SAMD15: variants seen among roughly 807,000 people sequenced by gnomAD.
SAMD15 encodes the protein sterile alpha motif domain containing 15, also known as sterile alpha motif domain-containing protein 15.
In SAMD15, 37 loss-of-function variants were observed where a neutral mutation model predicts 50.5. That is an observed-to-expected ratio of 0.73 (90% CI 0.56 to 0.96). The LOEUF is 0.96. SAMD15 is among the 40% of genes least tolerant of loss of function. The pLI, the probability that SAMD15 is intolerant of heterozygous loss-of-function variation, is 0.00. For synonymous variants in SAMD15, 255 were observed against 282.8 expected (o/e 0.90, Z 0.99); for missense variants, 789 against 783.8 (o/e 1.01, Z -0.08).
intron 2 of SAMD15, among the ~76,000 whole-genome samples, chr14:77,389,109 AAAC>A (rs1174564378): frequency 6.6e-6 from 1 of 152,008 alleles, no homozygotes; most frequent in Admixed American, 6.6e-5. Flanking sequence ...ACAAAACAAA[AAAC>A]AAAAACAAAC....
In SAMD15 at chr14:77,388,544, T is replaced by C. The variant is rs186479414; in HGVS notation, c.1789-2464T>C. On this transcript the variant is annotated intron_variant, in intron 2 of 2. Transcript: ENST00000216471. ...GATCCTCCTACTTCAGCCTCCCAAGTAGCTGGGACTACAGGCATGCAACTT... is the reference window on the plus strand; with the variant it reads ...GATCCTCCTACTTCAGCCTCCCAAGCAGCTGGGACTACAGGCATGCAACTT... Among the ~76,000 whole-genome samples the C allele has an allele frequency of 3.9e-3, 594 of 151,540 alleles. 2 individuals carry two copies. Among genetic ancestry groups the C allele is most frequent in the African/African-American group, 0.014 (569 of 41,338 alleles).
intron 2 of SAMD15, among the ~76,000 whole-genome samples, chr14:77,389,242 A>G (rs1022090551): frequency 6.6e-6 from 1 of 152,174 alleles, no homozygotes; most frequent in African/African-American, 2.4e-5. Flanking sequence ...TTGCCTATCT[A>G]AAAGGCATTG....
chr14:77,391,490 G>T lies in SAMD15; in HGVS notation c.*246G>T. 2.9e-6 allele frequency: 1 copy of T among 346,650 alleles called. No homozygotes were observed. The highest frequency in any genetic ancestry group is 5.2e-6 in the Non-Finnish European group (1 of 193,038). The allele number at this position is 346,650 out of a possible 1,614,324, so 21.5% of individuals were successfully genotyped here. On this transcript the variant is annotated 3_prime_UTR_variant, in exon 3 of 3. Transcript: ENST00000216471. ...CCGCCATCATGCCCAGCTAATTTTT[G>T]TATTTTTAGTAGATATGATGTTTCA...
chr14:77,391,125 G>A lies in SAMD15; in HGVS notation c.1906G>A (p.Gly636Arg). 1 of 1,613,550 alleles carries A rather than the reference G, an allele frequency of 6.2e-7. No homozygotes were observed. Reference protein sequence around the residue: ...GLYLEQKGHTGIKSDSLTLSE... With the variant: ...GLYLEQKGHTRIKSDSLTLSE... ...ATATTTAGAGCAAAAAGGTCATACTGGGATAAAATCTGATTCCTTGACTTT... is the reference window on the plus strand; with the variant it reads ...ATATTTAGAGCAAAAAGGTCATACTAGGATAAAATCTGATTCCTTGACTTT... Residue 636 changes from glycine to arginine, a missense_variant, in exon 3 of 3, where the codon GGG (glycine) becomes AGG (arginine). By Grantham distance (125) the Gly-to-Arg change is moderately radical. Coordinates refer to ENST00000216471, the MANE Select transcript of SAMD15 (RefSeq NM_001010860.4).
rs1323172169 is a variant in SAMD15 at position 77,377,578 on chromosome 14, G to A, written c.160G>A (p.Glu54Lys). Reference protein sequence around the residue: ...DSKLPAEIYQEPQPETEEEDF... With the variant: ...DSKLPAEIYQKPQPETEEEDF... The stretch of plus-strand genomic sequence containing the variant: ...GAAGCTACCAGCAGAGATTTACCAA[G>A]AGCCACAGCCAGAGACCGAGGAAGA... Residue 54 changes from glutamate (E) to lysine (K), a missense_variant, in exon 1 of 3, where the codon GAG (glutamate) becomes AAG (lysine). Coordinates refer to ENST00000216471, the MANE Select transcript of SAMD15 (RefSeq NM_001010860.4). 1 of 1,614,126 alleles carries A rather than the reference G, an allele frequency of 6.2e-7. No individual in the cohort carries two copies. Among genetic ancestry groups the A allele is most frequent in the Admixed American group, 1.7e-5 (1 of 60,016 alleles).
chr14:77,391,242 T>A lies in SAMD15; in HGVS notation c.2023T>A (p.Ter675LysextTer68). 6.3e-7 allele frequency: 1 copy of A among 1,583,624 alleles called. No homozygotes were observed. The highest frequency in any genetic ancestry group is 2.2e-5 in the East Asian group (1 of 44,694). ...TGAGGAATTACCTTGCACTGAACCA[T>A]AGGGGAAATCCACTTCACAGAGCTT... ...ENEELPCTEP[*>K] Residue 675 changes from the stop codon to lysine (K), a stop_lost, in exon 3 of 3, where the codon TAG (stop) becomes AAG (lysine). Transcript: ENST00000216471.
Position 77,391,302 on chromosome 14 carries a change from A to T in SAMD15, c.*58A>T. On this transcript the variant is annotated 3_prime_UTR_variant, in exon 3 of 3. Transcript: ENST00000216471. ...AACTAAATTACTTGAGGGAAGAGGT[A>T]TGGTCTTTTTTGGTTTTCTTTTTCT... 11 of 1,066,290 alleles carry T rather than the reference A, an allele frequency of 1.0e-5. No individual in the cohort carries two copies. The highest frequency in any genetic ancestry group is 1.4e-5 in the Non-Finnish European group (10 of 717,476). The allele number at this position is 1,066,290 out of a possible 1,614,324, so 66.1% of individuals were successfully genotyped here.
intron 2 of SAMD15, among the ~76,000 whole-genome samples, chr14:77,387,600 G>A (rs1894018388): frequency 6.6e-6 from 1 of 151,942 alleles, no homozygotes; most frequent in African/African-American, 2.4e-5. Flanking sequence ...TAAGTGTAAT[G>A]AATTGCTTTT....
intron 1 of SAMD15, among the ~76,000 whole-genome samples, 181 bp from the exon 2 acceptor site, chr14:77,380,202 G>A (rs1421045915): frequency 1.3e-5 from 2 of 152,176 alleles, no homozygotes; most frequent in Non-Finnish European, 2.9e-5. Context: ...ATCTATGACT[G>A]CAGCACTGCA....
rs780558334 is a variant in SAMD15, at chr14:77,391,967, T to C, written c.*723T>C. 3.3e-5 allele frequency among the ~76,000 whole-genome samples: 5 copies of C among 152,084 alleles called. No individual in the cohort carries two copies. Among genetic ancestry groups the C allele is most frequent in the Non-Finnish European group, 7.4e-5 (5 of 68,014 alleles). On this transcript the variant is annotated 3_prime_UTR_variant, in exon 3 of 3. Coordinates refer to ENST00000216471, the MANE Select transcript of SAMD15 (RefSeq NM_001010860.4). ...TACTCAGGAGGCTGAGGCAGAAGAA[T>C]CATTTGAACCCAGGAAACAGAGGTT...
At chr14:77,379,609 T>C (rs1042583450) in intron 1 of SAMD15, among the ~76,000 whole-genome samples, 1 of 152,132 alleles carries the variant, frequency 6.6e-6, no homozygotes, top group Non-Finnish European at 1.5e-5. Flanking sequence ...GCCAGGATGG[T>C]CTCCATCTCC....
rs114696966 is a variant in SAMD15, at chr14:77,386,970, C to T, written c.1789-4038C>T. On this transcript the variant is annotated intron_variant, in intron 2 of 2. Transcript: ENST00000216471. ...AAGTAGGTGTTCTGCCGTGATGCCA[C>T]GCACTGAGTATAAGCTATCACCTTA... Among the ~76,000 whole-genome samples the T allele has an allele frequency of 6.4e-3, 972 of 152,326 alleles. 6 individuals are homozygous for T. Among genetic ancestry groups the T allele is most frequent in the African/African-American group, 0.023 (942 of 41,582 alleles).
Position 77,377,770 on chromosome 14 carries a change from T to C in SAMD15, c.352T>C (p.Phe118Leu). The C allele has an allele frequency of 6.2e-7, 1 of 1,602,584 alleles. No homozygotes were observed. The highest frequency in any genetic ancestry group is 8.5e-7 in the Non-Finnish European group (1 of 1,175,856). The part of the protein sequence containing the change: ...KSETSREMGE[F>L]FKDLEAPMDE... ...GGAAACATCCAGAGAGATGGGAGAG[T>C]TTTTCAAAGATTTGGAGGCCCCTAT... Residue 118 changes from phenylalanine to leucine, a missense_variant, in exon 1 of 3, where the codon TTT becomes CTT. Transcript: ENST00000216471.
In SAMD15 at chr14:77,380,367, C is replaced by T; in HGVS notation, c.1690-16C>T. On this transcript the variant is annotated splice_polypyrimidine_tract_variant and intron_variant, in intron 1 of 2. Coordinates refer to ENST00000216471, the MANE Select transcript of SAMD15 (RefSeq NM_001010860.4). ...TGCAGTACATTTTTTAAGTGATGTC[C>T]TTGTTGTATTGACAGGAGTGTTTTA... 1 of 1,545,624 alleles carries T rather than the reference C, an allele frequency of 6.5e-7. No individual in the cohort carries two copies. Among genetic ancestry groups the T allele is most frequent in the South Asian group, 1.1e-5 (1 of 89,648 alleles).
At chr14:77,383,252 T>A (rs1309921012) in intron 2 of SAMD15, among the ~76,000 whole-genome samples, 1 of 152,124 alleles carries the variant, frequency 6.6e-6, no homozygotes, top group African/African-American at 2.4e-5. Flanking sequence ...AAAATAATAA[T>A]AATAAGGAAC....
At chr14:77,379,604 G>A (rs944293691) in intron 1 of SAMD15, among the ~76,000 whole-genome samples, 17 of 152,074 alleles carry the variant, frequency 1.1e-4, no homozygotes, top group African/African-American at 4.1e-4. Flanking sequence ...TGTTAGCCAG[G>A]ATGGTCTCCA....
intron 1 of SAMD15, among the ~76,000 whole-genome samples, chr14:77,380,102 G>A (rs1168779903): frequency 6.6e-6 from 1 of 152,146 alleles, no homozygotes; most frequent in Non-Finnish European, 1.5e-5. Context: ...TGGAAAAATT[G>A]TGCCGTTATT....
chr14:77,380,317 C>T (rs1893929297), intron 1 of SAMD15, 66 bp from the exon 2 acceptor site: 7 of 969,238 alleles, frequency 7.2e-6, no homozygotes, highest in Non-Finnish European at 1.2e-5. Context: ...CTTCCTCCCC[C>T]TTCCCTCCCT....
chr14:77,388,382 CGTGTGTGTGTGT>C (rs376913427), intron 2 of SAMD15, among the ~76,000 whole-genome samples: 2,790 of 133,142 alleles, frequency 0.021, 84 homozygotes, highest in African/African-American at 0.073. Flanking sequence ...GCCACCTGTT[CGTGTGTGTGTGT>C]GTGTGTGTGT....
Sources: allele counts gnomAD v4.1 joint callset (sites outside exome capture counted in the v4.1 genomes callset), GRCh38; gene constraint gnomAD v4.1.1; transcripts MANE v1.5; gene names NCBI Gene and HGNC (gene_info 2026-07-23, HGNC 2026-07-21).